Variants in NRG1 observed in about 807,000 individuals in gnomAD.
NRG1 encodes the protein pro-neuregulin-1, membrane-bound isoform.
In NRG1, 18 loss-of-function variants were observed where a neutral mutation model predicts 63.8. The ratio of observed to expected loss-of-function variants is 0.28; its 90% CI spans 0.19 to 0.42. NRG1 has a LOEUF of 0.42. Ranked by LOEUF, NRG1 falls within the 10% of genes least tolerant of loss-of-function variation. NRG1 has a pLI of 1.00. For synonymous variants in NRG1, 302 were observed against 301.3 expected, an observed-to-expected ratio of 1.00 and a Z score of -0.02; for missense variants, 762 against 814.7, an observed-to-expected ratio of 0.94 and a Z score of 0.79.
chr8:31,883,130 AC>A (rs2129612951), intron 1 of NRG1, among the ~76,000 whole-genome samples: 1 of 152,238 alleles, frequency 6.6e-6, no homozygotes, highest in Admixed American at 6.5e-5. Context: ...CTTTAAAAAA[AC>A]AATTAGCACA....
intron 1 of NRG1, among the ~76,000 whole-genome samples, chr8:31,734,402 G>A (rs953374867): frequency 3.3e-5 from 5 of 152,162 alleles, no homozygotes; most frequent in African/African-American, 1.2e-4. Flanking sequence ...GGGCATCAGA[G>A]TCAAAAGAAT....
At chr8:32,271,497 T>C (rs895439622) in intron 1 of NRG1, among the ~76,000 whole-genome samples, 1 of 152,160 alleles carries the variant, frequency 6.6e-6, no homozygotes. Flanking sequence ...CTCCTTTTTC[T>C]TCTATATAAA....
At chr8:32,178,422 C>A (rs1402130936) in intron 1 of NRG1, among the ~76,000 whole-genome samples, 1 of 152,032 alleles carries the variant, frequency 6.6e-6, no homozygotes, top group Non-Finnish European at 1.5e-5. Flanking sequence ...CCAGCCTGAC[C>A]AATATGGTGA....
chr8:31,783,613 A>AC (rs1233190091), intron 1 of NRG1, among the ~76,000 whole-genome samples: 12 of 151,102 alleles, frequency 7.9e-5, no homozygotes, highest in African/African-American at 2.7e-4. Flanking sequence ...CAAAAAAAAA[A>AC]AAAAACAAAA....
At chr8:32,535,792 T>G (rs1181097065) in intron 1 of NRG1, among the ~76,000 whole-genome samples, 2 of 152,212 alleles carry the variant, frequency 1.3e-5, no homozygotes, top group African/African-American at 4.8e-5. Flanking sequence ...GTCAGCGCAC[T>G]TTTTGTGCCT....
chr8:31,980,301 G>T (rs186367601), intron 1 of NRG1, among the ~76,000 whole-genome samples: 6 of 152,028 alleles, frequency 3.9e-5, no homozygotes, highest in African/African-American at 4.8e-5. Context: ...TCTGGTGGGA[G>T]GTGTACTGCA....
At chr8:32,478,332 A>G (rs1455527825) in intron 1 of NRG1, among the ~76,000 whole-genome samples, 3 of 152,214 alleles carry the variant, frequency 2.0e-5, no homozygotes, top group Admixed American at 2.0e-4. Flanking sequence ...TCTTCAGGCC[A>G]AAGACTTTTG....
intron 1 of NRG1, among the ~76,000 whole-genome samples, chr8:32,386,184 C>T (rs1811003268): frequency 6.6e-6 from 1 of 152,192 alleles, no homozygotes; most frequent in Non-Finnish European, 1.5e-5. Flanking sequence ...TCACTGCAGC[C>T]TCAAACTACT....
Position 32,379,503 on chromosome 8 carries a change from T to C in NRG1, c.38-216325T>C, listed in dbSNP as rs59521153. ...TAGTCTATCAAAATATATAACAGGG[T>C]TGTGACAAAAGAATGAATGGAAAAA... is the stretch of plus-strand genomic sequence containing the variant. On this transcript the variant is annotated intron_variant, in intron 1 of 10. Coordinates refer to the NRG1 transcript ENST00000519301. Among the ~76,000 whole-genome samples, 807 of 152,288 alleles carry C rather than the reference T, an allele frequency of 5.3e-3. 8 individuals are homozygous for C. The highest frequency in any genetic ancestry group is 0.019 in the African/African-American group (773 of 41,548).
intron 1 of NRG1, among the ~76,000 whole-genome samples, chr8:31,867,583 C>G (rs1829076392): frequency 1.2e-5 from 1 of 85,536 alleles, no homozygotes; most frequent in Non-Finnish European, 2.4e-5. Flanking sequence ...TTCCTTTGTA[C>G]TTTTTGGGAA....
At chr8:32,368,623 G>T (rs944672682) in intron 1 of NRG1, among the ~76,000 whole-genome samples, 1 of 152,120 alleles carries the variant, frequency 6.6e-6, no homozygotes, top group Non-Finnish European at 1.5e-5. Flanking sequence ...TGCTAATTTA[G>T]CTTGTTCAAG....
At chr8:32,478,331 C>G (rs1824801482) in intron 1 of NRG1, among the ~76,000 whole-genome samples, 1 of 152,172 alleles carries the variant, frequency 6.6e-6, no homozygotes, top group East Asian at 1.9e-4. Context: ...CTCTTCAGGC[C>G]AAAGACTTTT....
At chr8:32,287,934 A>G (rs1190100124) in intron 1 of NRG1, among the ~76,000 whole-genome samples, 1 of 152,218 alleles carries the variant, frequency 6.6e-6, no homozygotes, top group African/African-American at 2.4e-5. Context: ...AAACTGTTCA[A>G]AATTAACTAC....
At chr8:31,657,862 A>T (rs1211246413) in intron 1 of NRG1, among the ~76,000 whole-genome samples, 2 of 152,164 alleles carry the variant, frequency 1.3e-5, no homozygotes, top group African/African-American at 4.8e-5. Context: ...AGGTCATCTG[A>T]TCTGCTGTGT....
intron 5 of NRG1, among the ~76,000 whole-genome samples, chr8:32,663,265 T>G (rs867121601): frequency 6.6e-6 from 1 of 152,324 alleles, no homozygotes; most frequent in Middle Eastern, 3.4e-3. Flanking sequence ...CTACTCATCT[T>G]AGAAATGTGC....
intron 11 of NRG1, among the ~76,000 whole-genome samples, chr8:32,763,024 C>T (rs979744746): frequency 3.9e-5 from 6 of 152,100 alleles, no homozygotes; most frequent in African/African-American, 1.4e-4. Context: ...GACATAACCT[C>T]CATTGTGGTA....
At chr8:32,340,551 A>G (rs915473220) in intron 1 of NRG1, among the ~76,000 whole-genome samples, 4 of 152,224 alleles carry the variant, frequency 2.6e-5, no homozygotes, top group Admixed American at 6.5e-5. Context: ...CATTATTTAA[A>G]GGAATTTATA....
chr8:32,765,321 T>C (rs1294789101), exon 12 of NRG1: 1 of 152,188 alleles, frequency 6.6e-6, no homozygotes, highest in Non-Finnish European at 1.5e-5. Context: ...AGCTAGTGAT[T>C]GGTTGTGTCT....
intron 1 of NRG1, among the ~76,000 whole-genome samples, chr8:32,523,721 G>T (rs189856642): frequency 1.3e-5 from 2 of 151,970 alleles, no homozygotes; most frequent in Admixed American, 6.5e-5. Flanking sequence ...ATGGTGGCAC[G>T]TGCCTGTAAT....
Sources: gnomAD v4.1 joint callset for allele counts (sites outside exome capture counted in the v4.1 genomes callset) on GRCh38, gnomAD v4.1.1 for gene constraint, MANE v1.5 for transcripts, NCBI Gene and HGNC (gene_info 2026-07-23, HGNC 2026-07-21) for gene names.